POU6F2: variants seen among roughly 807,000 people sequenced by gnomAD.
The protein encoded by POU6F2 is POU class 6 homeobox 2.
A neutral mutation model predicts 71.3 loss-of-function variants in POU6F2; 31 were observed. The ratio of observed to expected loss-of-function variants is 0.43; its 90% CI spans 0.33 to 0.59. The LOEUF (loss-of-function observed/expected upper bound fraction) is 0.59, where lower values mean the gene tolerates loss of function less well. POU6F2 is among the 20% of genes least tolerant of loss of function. POU6F2 has a pLI of 0.04. For missense variants in POU6F2, 783 were observed against 856.8 expected (o/e 0.91, Z 1.07); for synonymous variants, 347 against 355.7 (o/e 0.98, Z 0.27).
chr7:39,014,963 C>A (rs1789433126), intron 1 of POU6F2, among the ~76,000 whole-genome samples: 2 of 151,990 alleles, frequency 1.3e-5, no homozygotes, highest in African/African-American at 2.4e-5. Context: ...GAGACAAGAG[C>A]CTTTGGGCAG....
chr7:39,361,957 C>A (rs903209698), intron 5 of POU6F2, among the ~76,000 whole-genome samples: 1 of 152,172 alleles, frequency 6.6e-6, no homozygotes, highest in Non-Finnish European at 1.5e-5. Flanking sequence ...ATGTCCCTCA[C>A]AAGCGGCCAG....
At chr7:39,245,112 T>C (rs1783797505) in intron 4 of POU6F2, among the ~76,000 whole-genome samples, 1 of 152,140 alleles carries the variant, frequency 6.6e-6, no homozygotes, top group Non-Finnish European at 1.5e-5. Context: ...GTTGAGTGAG[T>C]TACCATCAAG....
At chr7:39,117,472 A>T (rs1791955434) in intron 2 of POU6F2, among the ~76,000 whole-genome samples, 1 of 152,184 alleles carries the variant, frequency 6.6e-6, no homozygotes, top group South Asian at 2.1e-4. Context: ...CCATAAAGGG[A>T]TCTAAAAAGA....
chr7:39,330,555 T>A (rs1785621922), intron 4 of POU6F2, among the ~76,000 whole-genome samples: 1 of 152,188 alleles, frequency 6.6e-6, no homozygotes, highest in African/African-American at 2.4e-5. Flanking sequence ...TATTATTTCC[T>A]GCAGAGCCAA....
intron 2 of POU6F2, among the ~76,000 whole-genome samples, chr7:39,191,140 G>A (rs571787201): frequency 2.6e-5 from 4 of 152,088 alleles, no homozygotes; most frequent in African/African-American, 4.8e-5. Context: ...TAAGATATAC[G>A]GCCTTTTAAC....
rs190270051 is a variant in POU6F2 at position 39,437,234 on chromosome 7, G to C, written c.1320+3951G>C. 1.2e-4 allele frequency among the ~76,000 whole-genome samples: 19 copies of C among 152,316 alleles called. No individual in the cohort carries two copies. The East Asian group carries it at 3.7e-3, about 29-fold the overall frequency. ...TTTGTATTTCTGGTAGAATTCAGCT[G>C]TGACTCCATGTGGTCCTGGGCTTTT... is the stretch of plus-strand genomic sequence containing the variant. On this transcript the variant is annotated intron_variant, in intron 7 of 9. Coordinates refer to ENST00000518318, the MANE Select transcript of POU6F2 (RefSeq NM_001370959.1).
chr7:39,409,673 A>G (rs1490870139), intron 6 of POU6F2, among the ~76,000 whole-genome samples: 1 of 152,174 alleles, frequency 6.6e-6, no homozygotes, highest in Non-Finnish European at 1.5e-5. Context: ...GGCTGGGCAG[A>G]TGTCCTCGGC....
chr7:39,188,800 A>G (rs1043225794), intron 2 of POU6F2, among the ~76,000 whole-genome samples: 27 of 152,210 alleles, frequency 1.8e-4, no homozygotes, highest in Middle Eastern at 3.2e-3. Context: ...TAAGGATCCT[A>G]TTACAGCAAC....
Position 39,004,742 on chromosome 7 carries a change from T to G in POU6F2, c.105+26684T>G, listed in dbSNP as rs143356956. 1.2e-3 allele frequency among the ~76,000 whole-genome samples: 179 copies of G among 152,316 alleles called. 1 individual carries two copies. The highest frequency in any genetic ancestry group is 3.8e-3 in the African/African-American group (158 of 41,564). On this transcript the variant is annotated intron_variant, in intron 1 of 9. Transcript: ENST00000518318. ...AGTAAAATAGGAGAAGTAGTTGTAT[T>G]AACAGTAATAAAAATATACTGAAAA...
chr7:39,016,056 TTATATATAA>T lies in POU6F2; in HGVS notation c.105+38005_105+38013del, dbSNP rs1185795082. On this transcript the variant is annotated intron_variant, in intron 1 of 9. Transcript: ENST00000518318. ...AGATATATATTATATATTATATATA[TTATATATAA>T]TATATAGATATATATTATATCTATA... Among the ~76,000 whole-genome samples, 487 of 54,432 alleles carry T rather than the reference TTATATATAA, an allele frequency of 8.9e-3. 44 individuals carry two copies. The highest frequency in any genetic ancestry group is 0.041 in the Middle Eastern group (3 of 74). 35.7% of individuals were successfully genotyped at this position (54,432 alleles called of 152,430 possible).
intron 4 of POU6F2, among the ~76,000 whole-genome samples, chr7:39,288,983 G>A (rs543749572): frequency 2.6e-5 from 4 of 152,132 alleles, no homozygotes; most frequent in African/African-American, 9.7e-5. Flanking sequence ...AAAACGGTGC[G>A]TTTTCTCCAA....
At chr7:39,440,502 C>T (rs146317593) in intron 7 of POU6F2, among the ~76,000 whole-genome samples, 159 of 152,280 alleles carry the variant, frequency 1.0e-3, no homozygotes, top group African/African-American at 3.4e-3. Context: ...GTATGCTTCA[C>T]GAAGTTCTTG....
chr7:39,387,950 C>T (rs1174042705), intron 5 of POU6F2, among the ~76,000 whole-genome samples: 2 of 152,224 alleles, frequency 1.3e-5, no homozygotes, highest in South Asian at 2.1e-4. Context: ...TCCAATCCAT[C>T]AACAAGGCCA....
chr7:38,980,175 C>T (rs1040594723), intron 1 of POU6F2, among the ~76,000 whole-genome samples: 1 of 152,144 alleles, frequency 6.6e-6, no homozygotes, highest in Admixed American at 6.5e-5. Flanking sequence ...TAGTCACATG[C>T]TTTCTGAAGG....
chr7:38,994,778 C>T (rs533188505), intron 1 of POU6F2, among the ~76,000 whole-genome samples: 1 of 152,288 alleles, frequency 6.6e-6, no homozygotes, highest in East Asian at 1.9e-4. Flanking sequence ...CTCCTCACTC[C>T]TTCAGTTCCC....
intron 5 of POU6F2, among the ~76,000 whole-genome samples, chr7:39,361,845 T>A (rs559960795): frequency 6.6e-6 from 1 of 152,320 alleles, no homozygotes; most frequent in East Asian, 1.9e-4. Flanking sequence ...TACAAATGTT[T>A]GAGCTCGGGT....
intron 4 of POU6F2, among the ~76,000 whole-genome samples, chr7:39,301,446 A>G (rs1044471615): frequency 5.9e-5 from 9 of 152,340 alleles, no homozygotes; most frequent in African/African-American, 1.9e-4. Context: ...CACAACCTGT[A>G]AGGCTTTTTA....
chr7:39,024,309 C>T (rs535842189), intron 1 of POU6F2, among the ~76,000 whole-genome samples: 1 of 151,756 alleles, frequency 6.6e-6, no homozygotes, highest in South Asian at 2.1e-4. Flanking sequence ...CTCTGTTTGT[C>T]TGTTATTGGT....
intron 6 of POU6F2, among the ~76,000 whole-genome samples, chr7:39,416,193 T>C (rs573084784): frequency 1.3e-5 from 2 of 152,084 alleles, no homozygotes; most frequent in South Asian, 2.1e-4. Flanking sequence ...GGTATTTTGA[T>C]TGGTATTTTT....
Sources: allele counts gnomAD v4.1 joint callset (sites outside exome capture counted in the v4.1 genomes callset), GRCh38; gene constraint gnomAD v4.1.1; transcripts MANE v1.5; gene names NCBI Gene and HGNC (gene_info 2026-07-23, HGNC 2026-07-21).